CPEB2: variants seen among roughly 807,000 people sequenced by gnomAD.
The protein encoded by CPEB2 is cytoplasmic polyadenylation element binding protein 2.
A neutral mutation model predicts 93.6 loss-of-function variants in CPEB2; 56 were observed. The ratio of observed to expected loss-of-function variants is 0.60; its 90% CI spans 0.48 to 0.75. The LOEUF (loss-of-function observed/expected upper bound fraction) is 0.75, where lower values mean the gene tolerates loss of function less well. Among genes scored for constraint, CPEB2 ranks in the 30% least tolerant of loss-of-function variants. The pLI, the probability that CPEB2 is intolerant of heterozygous loss-of-function variation, is 0.00. For synonymous variants in CPEB2, 764 were observed against 586.3 expected, an observed-to-expected ratio of 1.30 and a Z score of -4.38; for missense variants, 1,579 against 1,395.1, an observed-to-expected ratio of 1.13 and a Z score of -2.10.
intron 5 of CPEB2, among the ~76,000 whole-genome samples, chr4:15,034,168 T>A (rs186313675): frequency 5.0e-4 from 76 of 152,294 alleles, no homozygotes; most frequent in African/African-American, 1.7e-3. Context: ...GGTGATTGAT[T>A]TAATCATTCA....
intron 8 of CPEB2, among the ~76,000 whole-genome samples, chr4:15,057,223 C>G (rs960426144): frequency 6.6e-6 from 1 of 151,782 alleles, no homozygotes; most frequent in Admixed American, 6.6e-5. Flanking sequence ...GTTTTTTAAT[C>G]CTGTGTAATC....
At chr4:15,056,621 A>G (rs2702576) in intron 8 of CPEB2, among the ~76,000 whole-genome samples, 94,789 of 151,940 alleles carry the variant, frequency 0.62, 29,925 homozygotes, top group African/African-American at 0.7. Flanking sequence ...AAGCAATTTT[A>G]TTATTTCTGT....
At chr4:15,019,618 T>A (rs1162977288) in intron 4 of CPEB2, among the ~76,000 whole-genome samples, 3 of 152,022 alleles carry the variant, frequency 2.0e-5, no homozygotes, top group African/African-American at 4.8e-5. Context: ...TAAAAAAAAA[T>A]GATTTTCCCC....
chr4:15,008,493 G>A (rs762928600), intron 3 of CPEB2, 66 bp downstream of exon 3: 281 of 1,031,804 alleles, frequency 2.7e-4, no homozygotes, highest in Non-Finnish European at 3.9e-4. Flanking sequence ...TTATGAGTAG[G>A]ATTTATTATT....
chr4:15,022,999 A>C (rs1404720416), intron 4 of CPEB2, among the ~76,000 whole-genome samples: 1 of 152,014 alleles, frequency 6.6e-6, no homozygotes, highest in Non-Finnish European at 1.5e-5. Context: ...ATTTCTTCCA[A>C]GCATCTTTGA....
rs1729595877 is a variant in CPEB2 at position 15,065,217 on chromosome 4, G to A, written c.2878-936G>A. On this transcript the variant is annotated intron_variant, in intron 11 of 11. Coordinates refer to ENST00000538197, the MANE Select transcript of CPEB2 (RefSeq NM_001177382.2). ...TTTCTGCACTCATGCAAGTATTTCA[G>A]TAGAATACATTCAGAATACAAACTG... Among the ~76,000 whole-genome samples, 6 of 152,098 alleles carry A rather than the reference G, an allele frequency of 3.9e-5. No individual in the cohort carries two copies. The South Asian group carries it at 1.2e-3, about 32-fold the overall frequency.
At position 15,068,656 on chromosome 4, in the gene CPEB2, T is replaced by G. The variant is rs1323662529; in HGVS notation, c.*2276T>G. 3 of 152,320 alleles carry G rather than the reference T, an allele frequency of 2.0e-5. No individual in the cohort carries two copies. The highest frequency in any genetic ancestry group is 4.4e-5 in the Non-Finnish European group (3 of 67,868). The allele number at this position is 152,320 out of a possible 1,614,324, so 9.4% of individuals were successfully genotyped here. ...ATTTTCATAATTTCTGCTTAATGTT[T>G]AAAATTGAAGAGCCTTTTCATGTAT... is the stretch of plus-strand genomic sequence containing the variant. On this transcript the variant is annotated 3_prime_UTR_variant, in exon 12 of 12. Coordinates refer to ENST00000538197, the MANE Select transcript of CPEB2 (RefSeq NM_001177382.2).
intron 4 of CPEB2, among the ~76,000 whole-genome samples, chr4:15,018,977 C>T (rs1724512369): frequency 7.0e-6 from 1 of 142,888 alleles, no homozygotes; most frequent in African/African-American, 2.6e-5. Context: ...TATACACACG[C>T]ACACACACAC....
chr4:15,024,110 G>A (rs1404816514), intron 4 of CPEB2, among the ~76,000 whole-genome samples: 1 of 151,884 alleles, frequency 6.6e-6, no homozygotes, highest in Non-Finnish European at 1.5e-5. Context: ...AGACTGTAAA[G>A]CTTCTTTCAA....
At chr4:15,012,511 T>TAGTTAGATGA (rs1264368300) in intron 3 of CPEB2, among the ~76,000 whole-genome samples, 2 of 152,132 alleles carry the variant, frequency 1.3e-5, no homozygotes, top group Non-Finnish European at 2.9e-5. Context: ...GGTAAGAGTC[T>TAGTTAGATGA]AGTTAGATGA....
chr4:15,022,921 A>C (rs560297107), intron 4 of CPEB2, among the ~76,000 whole-genome samples: 1 of 152,192 alleles, frequency 6.6e-6, no homozygotes, highest in Admixed American at 6.5e-5. Flanking sequence ...GATGGAGATA[A>C]GTTTTGCTTT....
chr4:15,055,034 T>C (rs990310334), intron 8 of CPEB2, among the ~76,000 whole-genome samples: 1 of 152,230 alleles, frequency 6.6e-6, no homozygotes, highest in Non-Finnish European at 1.5e-5. Flanking sequence ...TTAAATGGTT[T>C]GATTTTGACT....
At position 15,069,581 on chromosome 4, in the gene CPEB2, GTTTTA is replaced by G. The variant is rs1312611454; in HGVS notation, c.*3212_*3216del. The G allele has an allele frequency of 3.3e-5, 5 of 151,426 alleles. No individual in the cohort carries two copies. The highest frequency in any genetic ancestry group is 2.1e-4 in the South Asian group (1 of 4,820). The allele number at this position is 151,426 out of a possible 1,614,324, so 9.4% of individuals were successfully genotyped here. ...GCATATTTCTATTTTGTTTTTTTGG[GTTTTA>G]TTTTATTTTAATAGTAGTAAAATAC... On this transcript the variant is annotated 3_prime_UTR_variant, in exon 12 of 12. Coordinates refer to ENST00000538197, the MANE Select transcript of CPEB2 (RefSeq NM_001177382.2).
chr4:15,004,810 T>G (rs1422844502), intron 1 of CPEB2: 1 of 152,654 alleles, frequency 6.6e-6, no homozygotes, highest in Non-Finnish European at 1.5e-5. Context: ...GCCGGGGGCC[T>G]CGGAAGAGCG....
chr4:15,004,132 G>A lies in CPEB2; in HGVS notation c.1459G>A (p.Gly487Ser). Residue 487 changes from glycine (G) to serine (S), a missense_variant, in exon 1 of 12, where the codon GGC becomes AGC. Physicochemically the swap from Gly to Ser is moderately conservative, Grantham distance 56. Around this residue, in one of 2 missense-constraint regions of CPEB2, gnomAD observed 1,411 missense variants for 1,056.0 expected, o/e 1.34. Transcript: ENST00000538197. The stretch of plus-strand genomic sequence containing the variant: ...TCCGACGAGCGGCGGCGGCGGCGGC[G>A]GCTTCGGCGGCCCCTTCTCGGCTAC... ...SVPTSGGGGG[G>S]FGGPFSATAV... 1 of 1,514,842 alleles carries A rather than the reference G, an allele frequency of 6.6e-7. No individual in the cohort carries two copies. The highest frequency in any genetic ancestry group is 8.8e-7 in the Non-Finnish European group (1 of 1,136,244). 93.8% of individuals were successfully genotyped at this position (1,514,842 alleles called of 1,614,324 possible).
chr4:15,042,555 G>GTGAA (rs1421861390), intron 6 of CPEB2, among the ~76,000 whole-genome samples: 2 of 152,186 alleles, frequency 1.3e-5, no homozygotes, highest in Non-Finnish European at 2.9e-5. Flanking sequence ...ATAAGGGGGA[G>GTGAA]TGAATGCCTG....
intron 4 of CPEB2, chr4:15,017,526 A>G (rs1478792762): frequency 3.5e-6 from 1 of 287,938 alleles, no homozygotes; most frequent in South Asian, 8.6e-5. Flanking sequence ...TCAGTTCACC[A>G]GAGAATGAAG....
intron 5 of CPEB2, among the ~76,000 whole-genome samples, chr4:15,034,648 G>A (rs1447077548): frequency 6.6e-6 from 1 of 152,124 alleles, no homozygotes; most frequent in East Asian, 1.9e-4. Context: ...ATGAAAATGT[G>A]TTTACATCAG....
chr4:15,024,413 A>C (rs77628527), intron 4 of CPEB2, among the ~76,000 whole-genome samples: 3,861 of 152,294 alleles, frequency 0.025, 89 homozygotes, highest in South Asian at 0.14. Context: ...ATATATTAGC[A>C]ATTTAGAATA....
Sources: gnomAD v4.1 joint callset for allele counts (sites outside exome capture counted in the v4.1 genomes callset) on GRCh38, gnomAD v4.1.1 for gene constraint, gnomAD v4.1.1 regional missense constraint, MANE v1.5 for transcripts, NCBI Gene and HGNC (gene_info 2026-07-23, HGNC 2026-07-21) for gene names.